EXOC3L2: variants seen among roughly 807,000 people sequenced by gnomAD.
The protein encoded by EXOC3L2 is exocyst complex component 3 like 2.
A neutral mutation model predicts 44.4 loss-of-function variants in EXOC3L2; 17 were observed. That is an observed-to-expected ratio of 0.38 (90% confidence interval 0.26 to 0.57). The LOEUF (loss-of-function observed/expected upper bound fraction) is 0.57. Among genes scored for constraint, EXOC3L2 ranks in the 20% least tolerant of loss-of-function variants. EXOC3L2 has a pLI of 0.65. For synonymous variants in EXOC3L2, 256 were observed against 253.7 expected, an observed-to-expected ratio of 1.01 and a Z score of -0.09; for missense variants, 541 against 588.4, an observed-to-expected ratio of 0.92 and a Z score of 0.83.
chr19:45,238,630 T>C lies in EXOC3L2; in HGVS notation c.416A>G (p.Lys139Arg). Residue 139 changes from lysine (K) to arginine (R), a missense_variant, in exon 2 of 12, where the codon AAG becomes AGG. Physicochemically the swap from Lys to Arg is conservative, Grantham distance 26. Transcript: ENST00000413988. The surrounding 1 kb of genome is among the most constrained non-coding windows in gnomAD (Gnocchi z 5.5). ...LAFLRLGRGS[K>R]PQRASLAERV... is the part of the protein sequence containing the mutation. ...CTCAGCCAGGGACGCACGCTGGGGC[T>C]TGGATCCACGCCCCAGTCTCAGGAA... The C allele has an allele frequency of 5.0e-6, 2 of 399,236 alleles. No individual in the cohort carries two copies. The allele number at this position is 399,236 out of a possible 1,614,324, so 24.7% of individuals were successfully genotyped here. A position where few individuals can be genotyped will look rare whatever the true frequency, so the allele number is the denominator to read the frequency against.
Position 45,213,090 on chromosome 19 carries a change from C to A in EXOC3L2, c.2388G>T (p.Ala796=), listed in dbSNP as rs201597405. ...ACCCTCAGCGCTGGGCCCGAGGTCG[C>A]GCTAGAGACGGAGGCCGGGGCCGAG... is the stretch of plus-strand genomic sequence containing the variant. ...CLPRPRPPSL[A]RPRAQR Residue 796 remains alanine (A), a synonymous_variant, in exon 12 of 12, where the codon GCG becomes GCT. Transcript: ENST00000413988. The A allele has an allele frequency of 2.6e-6, 4 of 1,516,652 alleles. No homozygotes were observed. The highest frequency in any genetic ancestry group is 4.7e-5 in the East Asian group (2 of 42,804). 93.9% of individuals were successfully genotyped at this position (1,516,652 alleles called of 1,614,324 possible).
At chr19:45,229,482 A>C (rs1325466767) in intron 4 of EXOC3L2, among the ~76,000 whole-genome samples, 2 of 147,450 alleles carry the variant, frequency 1.4e-5, no homozygotes, top group African/African-American at 2.5e-5. Context: ...GAAATATGTA[A>C]TCTATATTAA....
chr19:45,242,861 CAAAAAAAA>C lies in EXOC3L2; in HGVS notation c.-17+2472_-17+2479del, dbSNP rs56175442. ...TAGGCAACAGAGCGAAACTCCATCTCAAAAAAAAAAAAAAAAAAAAAGAATTACAAATG... is the reference window on the plus strand; with the variant it reads ...TAGGCAACAGAGCGAAACTCCATCTCAAAAAAAAAAAAAGAATTACAAATG... On this transcript the variant is annotated intron_variant, in intron 1 of 11. Coordinates refer to ENST00000413988, the MANE Select transcript of EXOC3L2 (RefSeq NM_001382422.1). Among the ~76,000 whole-genome samples the C allele has an allele frequency of 3.5e-5, 3 of 85,596 alleles. No homozygotes were observed. The East Asian group carries it at 1.3e-3, about 37-fold the overall frequency. The allele number at this position is 85,596 out of a possible 152,430, so 56.2% of individuals were successfully genotyped here. A position where few individuals can be genotyped will look rare whatever the true frequency, so the allele number is the denominator to read the frequency against.
In EXOC3L2 at chr19:45,213,333, G is replaced by A. The variant is rs923325123; in HGVS notation, c.2145C>T (p.Leu715=). The part of the protein sequence containing the change: ...DIRQKHVAAL[L]DIRGLRNTAA... ...CTGTGTTGCGCAGGCCACGGATGTC[G>A]AGGAGGGCTGCCACGTGCTTCTGCC... is the stretch of plus-strand genomic sequence containing the variant. The change falls in exon 12 of 12, where the codon CTC becomes CTT. Residue 715 remains leucine (L), a synonymous_variant. Coordinates refer to ENST00000413988, the MANE Select transcript of EXOC3L2 (RefSeq NM_001382422.1). 3.7e-6 allele frequency: 6 copies of A among 1,613,580 alleles called. No individual in the cohort carries two copies. Among genetic ancestry groups the A allele is most frequent in the African/African-American group, 2.7e-5 (2 of 75,002 alleles).
In EXOC3L2 at chr19:45,231,848, G is replaced by A. The variant is rs1484820929; in HGVS notation, c.1184C>T (p.Ala395Val). The change falls in exon 4 of 12, where the codon GCC becomes GTC. Residue 395 changes from alanine to valine, a missense_variant. Transcript: ENST00000413988. Reference protein sequence around the residue: ...PREVLGLVDMAALENGELGPL... With the variant: ...PREVLGLVDMVALENGELGPL... ...CCCCAGCTCCCCATTCTCCAGGGCG[G>A]CCATGTCCACCAGCCCTAGGACCTC... 1.2e-6 allele frequency: 2 copies of A among 1,608,372 alleles called. No individual in the cohort carries two copies. Among genetic ancestry groups the A allele is most frequent in the Admixed American group, 1.7e-5 (1 of 59,898 alleles).
At chr19:45,224,322 G>C (rs1389929890) in intron 8 of EXOC3L2, among the ~76,000 whole-genome samples, 1 of 152,096 alleles carries the variant, frequency 6.6e-6, no homozygotes, top group Non-Finnish European at 1.5e-5. Flanking sequence ...TGAGCAGAGA[G>C]AAGGGGAGTG....
intron 7 of EXOC3L2, 86 bp downstream of exon 7, chr19:45,227,576 T>C: frequency 8.4e-7 from 1 of 1,184,788 alleles, no homozygotes; most frequent in Non-Finnish European, 1.2e-6. Context: ...GAGTCAGTTC[T>C]GCAATCCCCA....
At chr19:45,232,380 CCCA>C (rs940371966) in intron 3 of EXOC3L2, among the ~76,000 whole-genome samples, 11 of 152,306 alleles carry the variant, frequency 7.2e-5, no homozygotes, top group African/African-American at 2.6e-4. Flanking sequence ...AAACCCAGTT[CCCA>C]CCACTTTAGG....
intron 2 of EXOC3L2, among the ~76,000 whole-genome samples, chr19:45,237,055 T>C (rs1054548502): frequency 7.4e-6 from 1 of 135,972 alleles, no homozygotes; most frequent in Admixed American, 7.3e-5. Flanking sequence ...GGGTGGAAGG[T>C]GGGTGCTGAG....
chr19:45,217,077 T>G (rs1969843388), intron 10 of EXOC3L2: 1 of 152,940 alleles, frequency 6.5e-6, no homozygotes, highest in South Asian at 2.1e-4. Context: ...GGCTGGAGTG[T>G]GGTGGCAGGA....
At chr19:45,227,203 C>CG (rs1969973791) in intron 7 of EXOC3L2, among the ~76,000 whole-genome samples, 1 of 151,226 alleles carries the variant, frequency 6.6e-6, no homozygotes, top group African/African-American at 2.4e-5. Flanking sequence ...CTGCAAGCTC[C>CG]GCCTCCCGGG....
chr19:45,240,367 T>G (rs1264332228), intron 1 of EXOC3L2, among the ~76,000 whole-genome samples: 1 of 151,882 alleles, frequency 6.6e-6, no homozygotes, highest in Non-Finnish European at 1.5e-5. Context: ...ATCTATCCAC[T>G]TCTGCCTCCC....
At chr19:45,235,418 G>A (rs1011430255) in intron 2 of EXOC3L2, among the ~76,000 whole-genome samples, 1 of 152,128 alleles carries the variant, frequency 6.6e-6, no homozygotes, top group African/African-American at 2.4e-5. Context: ...CGAGAAGGTT[G>A]AGAGAGGAGC....
At chr19:45,229,024 T>C (rs1029668153) in intron 4 of EXOC3L2, among the ~76,000 whole-genome samples, 3 of 151,752 alleles carry the variant, frequency 2.0e-5, no homozygotes, top group Non-Finnish European at 1.5e-5. Flanking sequence ...TGAGCCGAGA[T>C]TGTGCCACTG....
chr19:45,222,316 C>T (rs1292994292), intron 8 of EXOC3L2, among the ~76,000 whole-genome samples: 1 of 151,818 alleles, frequency 6.6e-6, no homozygotes, highest in African/African-American at 2.4e-5. Context: ...TCTCCTGCCT[C>T]AGCCTCCCGA....
chr19:45,236,162 A>G (rs1045479607), intron 2 of EXOC3L2, among the ~76,000 whole-genome samples: 1 of 151,916 alleles, frequency 6.6e-6, no homozygotes. Flanking sequence ...AAAGCTGAGG[A>G]TGGAAAGGAC....
chr19:45,241,071 C>G (rs141230392), intron 1 of EXOC3L2, among the ~76,000 whole-genome samples: 114 of 152,272 alleles, frequency 7.5e-4, no homozygotes, highest in African/African-American at 2.7e-3. Context: ...TGCGCTCCCT[C>G]CTTTCACTCA....
intron 1 of EXOC3L2, among the ~76,000 whole-genome samples, chr19:45,240,396 G>A (rs2122994294): frequency 6.6e-6 from 1 of 152,126 alleles, no homozygotes; most frequent in East Asian, 1.9e-4. Flanking sequence ...GGGATTACAG[G>A]TGCAAATCAC....
chr19:45,222,966 T>G (rs10423031), intron 8 of EXOC3L2, among the ~76,000 whole-genome samples: 12,797 of 152,162 alleles, frequency 0.084, 712 homozygotes, highest in African/African-American at 0.15. Flanking sequence ...ATATTTAAGA[T>G]AGCAAGCTGG....
Sources: allele counts gnomAD v4.1 joint callset (sites outside exome capture counted in the v4.1 genomes callset), GRCh38; gene constraint gnomAD v4.1.1; non-coding constraint Gnocchi (gnomAD v3.1); transcripts MANE v1.5; gene names NCBI Gene and HGNC (gene_info 2026-07-23, HGNC 2026-07-21).